The following TNNI3K variants were observed in gnomAD, a reference collection of about 807,000 sequenced individuals.
TNNI3K encodes the protein serine/threonine-protein kinase TNNI3K.
A neutral mutation model predicts 114.5 loss-of-function variants in TNNI3K; 140 were observed. The observed-to-expected ratio is 1.22, with a 90% CI of 1.07 to 1.41. TNNI3K has a LOEUF of 1.41. Ranked by LOEUF, TNNI3K falls within the 40% of genes most tolerant of loss-of-function variation. The pLI is 0.00. For missense variants in TNNI3K, 1,125 were observed against 1,007.6 expected, an observed-to-expected ratio of 1.12 and a Z score of -1.58; for synonymous variants, 347 against 347.5, an observed-to-expected ratio of 1.00 and a Z score of 0.02.
Position 74,320,481 on chromosome 1 carries a change from ATAAAT to A in TNNI3K, c.445-10965_445-10961del, listed in dbSNP as rs528838586. ...GATTACACACATCTGCTGTCCTAAA[ATAAAT>A]TAAGAAAGTATCTTGCAATATATTA... On this transcript the variant is annotated intron_variant, in intron 5 of 24. Transcript: ENST00000326637. Among the ~76,000 whole-genome samples, 36 of 152,370 alleles carry A rather than the reference ATAAAT, an allele frequency of 2.4e-4. 1 individual carries two copies. The East Asian group carries it at 5.6e-3, about 24-fold the overall frequency.
At chr1:74,542,560 T>C (rs958856309) in intron 24 of TNNI3K, among the ~76,000 whole-genome samples, 2 of 152,202 alleles carry the variant, frequency 1.3e-5, no homozygotes, top group African/African-American at 2.4e-5. Flanking sequence ...GAGAGACCAG[T>C]TGACAGGAGT....
intron 21 of TNNI3K, among the ~76,000 whole-genome samples, chr1:74,488,592 G>A (rs1668884162): frequency 6.6e-6 from 1 of 152,156 alleles, no homozygotes; most frequent in African/African-American, 2.4e-5. Flanking sequence ...CTGGAACAAA[G>A]CTTGAAATAT....
chr1:74,429,826 C>T (rs1665808555), intron 17 of TNNI3K, among the ~76,000 whole-genome samples: 1 of 152,108 alleles, frequency 6.6e-6, no homozygotes, highest in South Asian at 2.1e-4. Flanking sequence ...ATGCTCACAG[C>T]CATGTGTCTT....
rs137908679 is a variant in TNNI3K at position 74,280,789 on chromosome 1, C to T, written c.444+9081C>T. Among the ~76,000 whole-genome samples the T allele has an allele frequency of 1.5e-3, 221 of 152,326 alleles. 2 individuals carry two copies. Among genetic ancestry groups the T allele is most frequent in the African/African-American group, 5.0e-3 (209 of 41,574 alleles). On this transcript the variant is annotated intron_variant, in intron 5 of 24. Coordinates refer to ENST00000326637, the MANE Select transcript of TNNI3K (RefSeq NM_015978.3). ...TACTTGGGCAAGTACTGATGCTCTT[C>T]TGGGCTTGCAACCAGTGGACTTGGG...
At chr1:74,328,286 A>C (rs76090259) in intron 5 of TNNI3K, among the ~76,000 whole-genome samples, 2,488 of 152,234 alleles carry the variant, frequency 0.016, 69 homozygotes, top group African/African-American at 0.058. Context: ...CATGTAGTGG[A>C]AAGAGTGTGA....
At chr1:74,509,413 T>C (rs1326089152) in intron 23 of TNNI3K, among the ~76,000 whole-genome samples, 1 of 152,208 alleles carries the variant, frequency 6.6e-6, no homozygotes, top group Non-Finnish European at 1.5e-5. Context: ...GAGTACTACA[T>C]AACAATAGAA....
intron 20 of TNNI3K, among the ~76,000 whole-genome samples, chr1:74,441,629 C>T (rs997411722): frequency 6.6e-6 from 1 of 152,064 alleles, no homozygotes; most frequent in African/African-American, 2.4e-5. Flanking sequence ...TCAGTTGTTT[C>T]ACGTCCTTGC....
intron 5 of TNNI3K, among the ~76,000 whole-genome samples, chr1:74,307,847 CA>C (rs1658742948): frequency 6.6e-6 from 1 of 152,036 alleles, no homozygotes. Flanking sequence ...CCTGTAATCC[CA>C]GCTACTCGGA....
At chr1:74,401,873 A>G (rs910771946) in intron 17 of TNNI3K, 1 of 454,700 alleles carries the variant, frequency 2.2e-6, no homozygotes, top group African/African-American at 2.0e-5. Flanking sequence ...GATCACCCAT[A>G]GTATTTGCAT....
chr1:74,451,782 T>A (rs1298446270), intron 20 of TNNI3K, among the ~76,000 whole-genome samples: 1 of 146,642 alleles, frequency 6.8e-6, no homozygotes, highest in African/African-American at 2.5e-5. Context: ...TTTCTTTGCC[T>A]TTTTGAACAG....
chr1:74,454,272 A>T (rs1667140869), intron 20 of TNNI3K, among the ~76,000 whole-genome samples: 2 of 152,138 alleles, frequency 1.3e-5, no homozygotes, highest in South Asian at 2.1e-4. Flanking sequence ...ATTATTGTTA[A>T]CTATAGTCAC....
At chr1:74,542,900 C>G (rs1646742423) in intron 24 of TNNI3K, among the ~76,000 whole-genome samples, 1 of 152,012 alleles carries the variant, frequency 6.6e-6, no homozygotes, top group Non-Finnish European at 1.5e-5. Context: ...ATTCTCTGGA[C>G]ACATCCAAGG....
intron 23 of TNNI3K, among the ~76,000 whole-genome samples, chr1:74,527,285 A>T (rs1401785306): frequency 6.6e-6 from 1 of 152,260 alleles, no homozygotes; most frequent in African/African-American, 2.4e-5. Flanking sequence ...TTTGTTAAAA[A>T]GAATCAGAGT....
At chr1:74,511,294 G>A (rs1179409612) in intron 23 of TNNI3K, among the ~76,000 whole-genome samples, 1 of 151,950 alleles carries the variant, frequency 6.6e-6, no homozygotes, top group Non-Finnish European at 1.5e-5. Context: ...CCGGGTTCAA[G>A]CAATTCTCGT....
chr1:74,405,252 A>G (rs1664559570), intron 17 of TNNI3K, among the ~76,000 whole-genome samples: 2 of 152,086 alleles, frequency 1.3e-5, no homozygotes, highest in Non-Finnish European at 2.9e-5. Flanking sequence ...AGTTGTGGAG[A>G]GCTTAGGTAT....
chr1:74,318,503 G>T (rs1557494016), intron 5 of TNNI3K, among the ~76,000 whole-genome samples: 2 of 152,190 alleles, frequency 1.3e-5, no homozygotes, highest in African/African-American at 4.8e-5. Context: ...AATTTGGCGG[G>T]CACATGCTCT....
rs1669116735 is a variant in TNNI3K, at chr1:74,492,226, T to C, written c.2311T>C (p.Tyr771His). 1 of 1,612,510 alleles carries C rather than the reference T, an allele frequency of 6.2e-7. No homozygotes were observed. Among genetic ancestry groups the C allele is most frequent in the East Asian group, 2.2e-5 (1 of 44,860 alleles). The change falls in exon 23 of 25, where the codon TAT (tyrosine) becomes CAT (histidine). Residue 771 changes from tyrosine (Y) to histidine (H), a missense_variant. Coordinates refer to ENST00000326637, the MANE Select transcript of TNNI3K (RefSeq NM_015978.3). ...AALRSRFELE[Y>H]ALNARSYAAL... Reference sequence around the variant, plus strand: ...ATTAAGAAGTCGTTTCGAATTGGAATATGCTCTAAATGCAAGGTCCTATGC... The same window carrying C: ...ATTAAGAAGTCGTTTCGAATTGGAACATGCTCTAAATGCAAGGTCCTATGC...
At chr1:74,516,967 A>T (rs1458222578) in intron 23 of TNNI3K, among the ~76,000 whole-genome samples, 1 of 152,230 alleles carries the variant, frequency 6.6e-6, no homozygotes, top group Non-Finnish European at 1.5e-5. Flanking sequence ...AGAAATATTT[A>T]CAGTCATGCT....
intron 23 of TNNI3K, among the ~76,000 whole-genome samples, chr1:74,510,156 C>G (rs1373561359): frequency 2.0e-5 from 3 of 149,368 alleles, no homozygotes; most frequent in Admixed American, 1.3e-4. Context: ...ATTTCTTACC[C>G]CCTGATTTTT....
Sources: gnomAD v4.1 joint callset for allele counts (sites outside exome capture counted in the v4.1 genomes callset) on GRCh38, gnomAD v4.1.1 for gene constraint, MANE v1.5 for transcripts, NCBI Gene and HGNC (gene_info 2026-07-23, HGNC 2026-07-21) for gene names.